Variants in AMPH observed in about 807,000 individuals in gnomAD.
AMPH encodes amphiphysin (Stiff-Mann syndrome with breast cancer 128kD autoantigen).
In AMPH, 49 loss-of-function variants were observed where a neutral mutation model predicts 99.1. That is an observed-to-expected ratio of 0.49 (90% confidence interval 0.39 to 0.63). The LOEUF is 0.63. Ranked by LOEUF, AMPH falls within the 20% of genes least tolerant of loss-of-function variation. The probability of loss-of-function intolerance (pLI) is 0.00; values close to 1 mark genes in which losing one functional copy is unlikely to be tolerated. For missense variants in AMPH, 759 were observed against 863.4 expected (o/e 0.88, Z 1.52); for synonymous variants, 314 against 317.3 (o/e 0.99, Z 0.11).
At chr7:38,441,525 T>G (rs1340093281) in intron 11 of AMPH, among the ~76,000 whole-genome samples, 1 of 151,938 alleles carries the variant, frequency 6.6e-6, no homozygotes, top group Non-Finnish European at 1.5e-5. Context: ...TCTGAGATTT[T>G]ATTTCCAAAA....
At chr7:38,527,474 T>A (rs1790230310) in intron 2 of AMPH, among the ~76,000 whole-genome samples, 1 of 152,236 alleles carries the variant, frequency 6.6e-6, no homozygotes, top group Non-Finnish European at 1.5e-5. Context: ...TTTGTTAAAT[T>A]TACACATATA....
chr7:38,418,309 C>CAG (rs145976868), intron 16 of AMPH, among the ~76,000 whole-genome samples: 46 of 149,456 alleles, frequency 3.1e-4, no homozygotes, highest in South Asian at 8.5e-4. Flanking sequence ...GAGACAGAGA[C>CAG]AGAGAGAGAG....
chr7:38,626,264 T>A (rs1794238287), intron 1 of AMPH, among the ~76,000 whole-genome samples: 1 of 152,148 alleles, frequency 6.6e-6, no homozygotes, highest in Non-Finnish European at 1.5e-5. Flanking sequence ...ATGAACCCCA[T>A]CATTTAGGTT....
At chr7:38,422,614 C>T (rs558802215) in intron 15 of AMPH, 137 bp from the exon 16 acceptor site, 36 of 688,230 alleles carry the variant, frequency 5.2e-5, no homozygotes, top group Middle Eastern at 3.0e-4. Context: ...ATCTATCTAT[C>T]GACACTCTAT....
intron 5 of AMPH, among the ~76,000 whole-genome samples, chr7:38,485,357 T>A (rs1788449315): frequency 6.6e-6 from 1 of 151,752 alleles, no homozygotes; most frequent in Non-Finnish European, 1.5e-5. Context: ...AAATCTAAAT[T>A]CCAAAACTGT....
Position 38,391,898 on chromosome 7 carries a change from G to T in AMPH, c.1728C>A (p.Gly576=). 6.2e-7 allele frequency: 1 copy of T among 1,612,640 alleles called. No homozygotes were observed. Among genetic ancestry groups the T allele is most frequent in the Non-Finnish European group, 8.5e-7 (1 of 1,179,760 alleles). The change falls in exon 19 of 21, where the codon GGC becomes GGA. Residue 576 remains glycine (G), a synonymous_variant. Coordinates refer to ENST00000356264, the MANE Select transcript of AMPH (RefSeq NM_001635.4). ...CCAGCTCCGGTGTCTCGCTGGTGGG[G>T]CCCGGAGGAGCCGCGTCCTCGGTGG... The part of the protein sequence containing the change: ...KETTEDAAPP[G]PTSETPELAT...
chr7:38,530,504 T>C (rs1378992051), intron 2 of AMPH, among the ~76,000 whole-genome samples: 2 of 152,210 alleles, frequency 1.3e-5, no homozygotes, highest in Non-Finnish European at 1.5e-5. Context: ...ATTTGAACTA[T>C]TGTTCTTAGA....
At chr7:38,447,779 C>CACAA (rs58023742) in intron 11 of AMPH, among the ~76,000 whole-genome samples, 15,149 of 150,098 alleles carry the variant, frequency 0.1, 1,065 homozygotes, top group Middle Eastern at 0.11. Flanking sequence ...CACACACACA[C>CACAA]CCATACACAA....
intron 1 of AMPH, among the ~76,000 whole-genome samples, chr7:38,582,977 T>C (rs1357959358): frequency 6.6e-6 from 1 of 152,206 alleles, no homozygotes; most frequent in Admixed American, 6.5e-5. Flanking sequence ...GGAAATTTAG[T>C]TTAGAATGGT....
At chr7:38,430,521 C>T (rs528739363) in intron 13 of AMPH, among the ~76,000 whole-genome samples, 9 of 152,288 alleles carry the variant, frequency 5.9e-5, no homozygotes, top group Admixed American at 2.0e-4. Context: ...TCCTCTGAAA[C>T]GTTCAAAAGC....
At chr7:38,436,711 T>C (rs1786280830) in intron 11 of AMPH, among the ~76,000 whole-genome samples, 1 of 151,924 alleles carries the variant, frequency 6.6e-6, no homozygotes, top group South Asian at 2.1e-4. Flanking sequence ...ATGCAAGGAG[T>C]CTCCTCTGTC....
chr7:38,428,653 T>G (rs1302309777), intron 14 of AMPH: 1 of 456,732 alleles, frequency 2.2e-6, no homozygotes, highest in Admixed American at 2.3e-5. Context: ...TCTTCAATAT[T>G]AGATACAGAG....
chr7:38,526,622 T>C (rs1220179024), intron 2 of AMPH, among the ~76,000 whole-genome samples: 7 of 137,934 alleles, frequency 5.1e-5, no homozygotes, highest in South Asian at 2.1e-4. Flanking sequence ...GTTTAACTTA[T>C]TTTTACTACG....
intron 1 of AMPH, among the ~76,000 whole-genome samples, chr7:38,598,675 CT>C (rs761051333): frequency 4.6e-5 from 7 of 152,122 alleles, no homozygotes; most frequent in Non-Finnish European, 1.0e-4. Context: ...GTTTATCAGC[CT>C]GTTTCTAATT....
intron 15 of AMPH, among the ~76,000 whole-genome samples, chr7:38,424,285 C>T (rs1005395448): frequency 6.6e-6 from 1 of 151,920 alleles, no homozygotes; most frequent in African/African-American, 2.4e-5. Flanking sequence ...GTCAAGATCA[C>T]CAAACATTTG....
At chr7:38,548,392 A>T (rs1244833483) in intron 1 of AMPH, among the ~76,000 whole-genome samples, 1 of 152,114 alleles carries the variant, frequency 6.6e-6, no homozygotes, top group Non-Finnish European at 1.5e-5. Context: ...CAGCTATGTT[A>T]TTTAGGAATA....
chr7:38,432,622 A>ACACACACC (rs1786079682), intron 12 of AMPH, among the ~76,000 whole-genome samples: 1 of 141,946 alleles, frequency 7.0e-6, no homozygotes, highest in Non-Finnish European at 1.6e-5. Context: ...ACACACACAC[A>ACACACACC]CCTCATTAAA....
intron 2 of AMPH, among the ~76,000 whole-genome samples, chr7:38,522,952 A>G (rs1790027319): frequency 6.6e-6 from 1 of 151,938 alleles, no homozygotes; most frequent in South Asian, 2.1e-4. Flanking sequence ...TACTAAAAAT[A>G]CAAAAATTAG....
chr7:38,402,912 GA>G (rs1784882315), intron 17 of AMPH, among the ~76,000 whole-genome samples: 1 of 151,826 alleles, frequency 6.6e-6, no homozygotes, highest in African/African-American at 2.4e-5. Context: ...TCATTAAAAT[GA>G]AAACAAAAAA....
Sources: allele counts gnomAD v4.1 joint callset (sites outside exome capture counted in the v4.1 genomes callset), GRCh38; gene constraint gnomAD v4.1.1; transcripts MANE v1.5; gene names NCBI Gene and HGNC (gene_info 2026-07-23, HGNC 2026-07-21).